The following DAB1 variants were observed in gnomAD, a reference collection of about 807,000 sequenced individuals.
DAB1 encodes the protein DAB adaptor protein 1, also known as disabled homolog 1.
A neutral mutation model predicts 64.6 loss-of-function variants in DAB1; 15 were observed. The ratio of observed to expected loss-of-function variants is 0.23; its 90% confidence interval spans 0.16 to 0.36. The LOEUF (loss-of-function observed/expected upper bound fraction) is 0.36, where lower values mean the gene tolerates loss of function less well. DAB1 is among the 10% of genes least tolerant of loss of function. The probability of loss-of-function intolerance (pLI) is 1.00; values close to 1 mark genes in which losing one functional copy is unlikely to be tolerated. For missense variants in DAB1, 596 were observed against 706.7 expected (o/e 0.84, Z 1.78); for synonymous variants, 235 against 251.9 (o/e 0.93, Z 0.64).
chr1:57,649,113 T>C (rs1429188338), intron 7 of DAB1, among the ~76,000 whole-genome samples: 1 of 152,252 alleles, frequency 6.6e-6, no homozygotes, highest in Non-Finnish European at 1.5e-5. Flanking sequence ...TCTCCAAGTC[T>C]GTTTTCCATG....
chr1:57,917,118 ACT>A (rs1557554656), intron 5 of DAB1, among the ~76,000 whole-genome samples: 2 of 151,714 alleles, frequency 1.3e-5, no homozygotes, highest in Admixed American at 6.6e-5. Context: ...CAGCGGGGCC[ACT>A]CTCTACACTT....
At chr1:58,161,850 C>T (rs910707552) in intron 4 of DAB1, among the ~76,000 whole-genome samples, 1 of 152,046 alleles carries the variant, frequency 6.6e-6, no homozygotes, top group African/African-American at 2.4e-5. Context: ...TATTACTTCT[C>T]GATGGAGACC....
intron 6 of DAB1, among the ~76,000 whole-genome samples, chr1:57,651,435 T>C (rs1257618634): frequency 6.6e-6 from 1 of 152,210 alleles, no homozygotes; most frequent in African/African-American, 2.4e-5. Flanking sequence ...TAGATTATTG[T>C]AGTGCTTTTT....
chr1:57,395,782 CTCCCATGGCTACCA>C (rs1682758556), intron 1 of DAB1, among the ~76,000 whole-genome samples: 2 of 35,386 alleles, frequency 5.7e-5, no homozygotes, highest in Admixed American at 4.2e-4. Context: ...AGTATAGAGG[CTCCCATGGCTACCA>C]TATTAGGGAA....
In DAB1 at chr1:58,432,640, C is replaced by T. The variant is rs146045233; in HGVS notation, n.257+73420G>A. Among the ~76,000 whole-genome samples, 948 of 152,284 alleles carry T rather than the reference C, an allele frequency of 6.2e-3. 9 individuals are homozygous for T. The highest frequency in any genetic ancestry group is 0.022 in the African/African-American group (900 of 41,542). The stretch of plus-strand genomic sequence containing the variant: ...TATTTACTTGCCTGCTGTCACTCCT[C>T]CCCCTGCCCCAACCAAGAGCTCCCT... On this transcript the variant is annotated intron_variant and non_coding_transcript_variant, in intron 3 of 20. Coordinates refer to the DAB1 transcript ENST00000485760.
intron 9 of DAB1, among the ~76,000 whole-genome samples, chr1:57,058,532 C>A (rs889118271): frequency 4.6e-5 from 7 of 152,184 alleles, no homozygotes; most frequent in African/African-American, 1.7e-4. Context: ...TTCCTGTCCT[C>A]AACGGACTTA....
intron 6 of DAB1, among the ~76,000 whole-genome samples, chr1:57,733,975 A>G (rs774703186): frequency 4.1e-4 from 62 of 152,082 alleles, no homozygotes; most frequent in Non-Finnish European, 6.5e-4. Flanking sequence ...TCAGCCCCAT[A>G]TTTGGAGGAG....
At chr1:57,019,524 T>C (rs943467454) in intron 11 of DAB1, among the ~76,000 whole-genome samples, 2 of 152,104 alleles carry the variant, frequency 1.3e-5, no homozygotes, top group African/African-American at 4.8e-5. Context: ...AGCCTGCAGG[T>C]CCCACTCACT....
At chr1:57,538,840 T>C (rs904042912) in intron 7 of DAB1, among the ~76,000 whole-genome samples, 2 of 152,168 alleles carry the variant, frequency 1.3e-5, no homozygotes, top group Admixed American at 6.5e-5. Context: ...GAGATTCTTT[T>C]GAGCCCACTC....
chr1:58,354,225 C>T (rs554669657), intron 3 of DAB1, among the ~76,000 whole-genome samples: 3 of 152,134 alleles, frequency 2.0e-5, no homozygotes, highest in African/African-American at 4.8e-5. Flanking sequence ...CTATGGTTAT[C>T]TCAGTGCTCC....
chr1:58,473,981 C>A (rs990861317), intron 3 of DAB1: 2 of 1,259,882 alleles, frequency 1.6e-6, no homozygotes, highest in East Asian at 5.6e-5. Context: ...GTCACATGCA[C>A]GTAAATATCA....
intron 2 of DAB1, among the ~76,000 whole-genome samples, chr1:57,169,798 C>T (rs962592148): frequency 6.6e-6 from 1 of 152,020 alleles, no homozygotes; most frequent in Non-Finnish European, 1.5e-5. Context: ...CCTGATGTTT[C>T]CTCTTAGTAA....
At chr1:58,098,914 A>G (rs1651148767) in intron 5 of DAB1, among the ~76,000 whole-genome samples, 1 of 152,172 alleles carries the variant, frequency 6.6e-6, no homozygotes, top group Non-Finnish European at 1.5e-5. Flanking sequence ...TTGTTATGGC[A>G]GCCAAGCAAA....
intron 4 of DAB1, among the ~76,000 whole-genome samples, chr1:58,338,384 C>A (rs1424619671): frequency 6.6e-6 from 1 of 152,184 alleles, no homozygotes; most frequent in Non-Finnish European, 1.5e-5. Flanking sequence ...TGCCCATCCT[C>A]ATTCCCTTCT....
chr1:57,186,698 A>G (rs568318611), intron 2 of DAB1, among the ~76,000 whole-genome samples: 1 of 152,384 alleles, frequency 6.6e-6, no homozygotes, highest in South Asian at 2.1e-4. Flanking sequence ...TAAAGTGTGC[A>G]AAACATTTTT....
intron 2 of DAB1, among the ~76,000 whole-genome samples, chr1:57,206,869 A>G (rs1478028032): frequency 6.6e-6 from 1 of 151,372 alleles, no homozygotes; most frequent in East Asian, 1.9e-4. Flanking sequence ...TGTGAGTGTT[A>G]TGCCATGTAT....
chr1:58,397,039 T>C (rs1476516230), intron 3 of DAB1, among the ~76,000 whole-genome samples: 1 of 144,380 alleles, frequency 6.9e-6, no homozygotes, highest in Non-Finnish European at 1.5e-5. Flanking sequence ...CACTCTAGCC[T>C]GGGCGACGGA....
At chr1:57,331,505 T>C (rs1676668648) in intron 1 of DAB1, among the ~76,000 whole-genome samples, 1 of 152,190 alleles carries the variant, frequency 6.6e-6, no homozygotes, top group African/African-American at 2.4e-5. Flanking sequence ...CATTTACAAG[T>C]TGTGTGAGTG....
At chr1:58,384,565 G>GACTTATTA (rs1644417928) in intron 3 of DAB1, among the ~76,000 whole-genome samples, 1 of 152,182 alleles carries the variant, frequency 6.6e-6, no homozygotes, top group South Asian at 2.1e-4. Flanking sequence ...ATATGAAGGG[G>GACTTATTA]AGTTTATTAA....
Sources: allele counts gnomAD v4.1 joint callset (sites outside exome capture counted in the v4.1 genomes callset), GRCh38; gene constraint gnomAD v4.1.1; transcripts MANE v1.5; gene names NCBI Gene and HGNC (gene_info 2026-07-23, HGNC 2026-07-21).